PLCXD3: variants seen among roughly 807,000 people sequenced by gnomAD.
PLCXD3 encodes phosphatidylinositol specific phospholipase C X domain containing 3.
In PLCXD3, 19 loss-of-function variants were observed where a neutral mutation model predicts 25.5. The ratio of observed to expected loss-of-function variants is 0.75; its 90% confidence interval spans 0.52 to 1.09. The LOEUF is 1.09. Ranked by LOEUF, PLCXD3 falls within the 50% of genes least tolerant of loss-of-function variation. PLCXD3 has a pLI of 0.00. For missense variants in PLCXD3, 411 were observed against 388.1 expected (o/e 1.06, Z -0.50); for synonymous variants, 174 against 137.6 (o/e 1.26, Z -1.85).
chr5:41,331,794 C>G (rs930972404), intron 2 of PLCXD3, among the ~76,000 whole-genome samples: 5 of 152,230 alleles, frequency 3.3e-5, no homozygotes, highest in Admixed American at 1.3e-4. Context: ...TGCCACATAT[C>G]TACAACTATC....
At chr5:41,314,714 T>TA (rs911997841) in intron 2 of PLCXD3, among the ~76,000 whole-genome samples, 7 of 151,576 alleles carry the variant, frequency 4.6e-5, no homozygotes, top group East Asian at 1.9e-4. Context: ...AAGAGAGTAG[T>TA]AAAAAAAATG....
At chr5:41,352,863 T>A (rs916500199) in intron 2 of PLCXD3, among the ~76,000 whole-genome samples, 2 of 152,170 alleles carry the variant, frequency 1.3e-5, no homozygotes, top group African/African-American at 4.8e-5. Flanking sequence ...GCCCATTGTG[T>A]CATCACTGAT....
chr5:41,476,533 C>T (rs1748287959), intron 1 of PLCXD3, among the ~76,000 whole-genome samples: 1 of 152,178 alleles, frequency 6.6e-6, no homozygotes, highest in Non-Finnish European at 1.5e-5. Context: ...ACATCTTATA[C>T]ATGTTGTCTC....
intron 2 of PLCXD3, among the ~76,000 whole-genome samples, chr5:41,314,685 G>A (rs1181266532): frequency 1.3e-5 from 2 of 152,146 alleles, no homozygotes; most frequent in East Asian, 3.9e-4. Flanking sequence ...GGGGTAGCAT[G>A]CTTAAGCTTA....
At position 41,382,144 on chromosome 5, in the gene PLCXD3, A is replaced by G. The variant is rs1432170600; in HGVS notation, c.494T>C (p.Ile165Thr). Residue 165 changes from isoleucine (I) to threonine (T), a missense_variant, in exon 2 of 3, where the codon ATC becomes ACC. Transcript: ENST00000377801. Reference protein sequence around the residue: ...HEKLVQMLKDIYGNKMCPAIF... With the variant: ...HEKLVQMLKDTYGNKMCPAIF... ...CGCTGGGCACATTTTATTTCCATAG[A>G]TGTCTTTCAGCATTTGGACCAGTTT... 1.2e-6 allele frequency: 2 copies of G among 1,613,528 alleles called. No homozygotes were observed. Among genetic ancestry groups the G allele is most frequent in the Non-Finnish European group, 1.7e-6 (2 of 1,179,766 alleles).
In PLCXD3 at chr5:41,310,841, G is replaced by A. The variant is rs987891700; in HGVS notation, c.*2776C>T. 1 of 152,604 alleles carries A rather than the reference G, an allele frequency of 6.6e-6. No individual in the cohort carries two copies. Among genetic ancestry groups the A allele is most frequent in the Admixed American group, 6.5e-5 (1 of 15,274 alleles). 9.5% of individuals were successfully genotyped at this position (152,604 alleles called of 1,614,324 possible). ...ACTGTATGTCCACATGGAAACCATA[G>A]CATTGGCTTGAAACTGCCTTTTGTC... is the stretch of plus-strand genomic sequence containing the variant. On this transcript the variant is annotated 3_prime_UTR_variant, in exon 3 of 3. Coordinates refer to ENST00000377801, the MANE Select transcript of PLCXD3 (RefSeq NM_001005473.3).
intron 1 of PLCXD3, among the ~76,000 whole-genome samples, chr5:41,464,269 CTACT>C (rs1747959002): frequency 6.6e-6 from 1 of 151,986 alleles, no homozygotes; most frequent in Non-Finnish European, 1.5e-5. Flanking sequence ...TCTCAATTAC[CTACT>C]TAGTTAAGCT....
intron 2 of PLCXD3, among the ~76,000 whole-genome samples, chr5:41,359,218 T>C (rs1471805145): frequency 1.3e-5 from 2 of 152,162 alleles, no homozygotes; most frequent in African/African-American, 4.8e-5. Flanking sequence ...TATTAGGGTG[T>C]TACTGGTTTC....
chr5:41,330,323 C>G (rs543809045), intron 2 of PLCXD3, among the ~76,000 whole-genome samples: 4 of 152,076 alleles, frequency 2.6e-5, no homozygotes, highest in Admixed American at 6.6e-5. Context: ...AACACCTCTA[C>G]GCAAATAAAC....
chr5:41,330,907 A>C, intron 2 of PLCXD3, among the ~76,000 whole-genome samples: 1 of 152,120 alleles, frequency 6.6e-6, no homozygotes, highest in East Asian at 1.9e-4. Context: ...CCTTCATGCT[A>C]AAAACTCTCA....
intron 2 of PLCXD3, among the ~76,000 whole-genome samples, chr5:41,365,447 G>T (rs898318986): frequency 6.6e-6 from 1 of 152,134 alleles, no homozygotes; most frequent in Non-Finnish European, 1.5e-5. Context: ...ACAGTTGCAA[G>T]CAATGTCTCA....
chr5:41,485,204 G>A (rs1207665105), intron 1 of PLCXD3, among the ~76,000 whole-genome samples: 1 of 152,074 alleles, frequency 6.6e-6, no homozygotes, highest in Non-Finnish European at 1.5e-5. Context: ...CATTCAAAGA[G>A]GCCAAGTAAC....
At chr5:41,372,910 G>T (rs1227069166) in intron 2 of PLCXD3, among the ~76,000 whole-genome samples, 2 of 152,072 alleles carry the variant, frequency 1.3e-5, no homozygotes, top group Non-Finnish European at 2.9e-5. Context: ...CAGGCATGGT[G>T]GCATACACCT....
At chr5:41,431,754 A>G (rs1747112741) in intron 1 of PLCXD3, among the ~76,000 whole-genome samples, 1 of 152,206 alleles carries the variant, frequency 6.6e-6, no homozygotes, top group Non-Finnish European at 1.5e-5. Context: ...TTGCTGAGCC[A>G]TTACTCATAA....
At chr5:41,489,538 A>G (rs377054636) in intron 1 of PLCXD3, among the ~76,000 whole-genome samples, 4 of 152,206 alleles carry the variant, frequency 2.6e-5, no homozygotes, top group Admixed American at 6.5e-5. Context: ...CAATTTTCAC[A>G]ATATTGATTC....
At chr5:41,418,278 T>G (rs1026765312) in intron 1 of PLCXD3, among the ~76,000 whole-genome samples, 4 of 152,212 alleles carry the variant, frequency 2.6e-5, no homozygotes, top group Non-Finnish European at 4.4e-5. Context: ...CAAAATTCTC[T>G]TTTGTTTTTA....
intron 1 of PLCXD3, among the ~76,000 whole-genome samples, chr5:41,445,969 C>G (rs917452514): frequency 6.6e-5 from 10 of 151,754 alleles, no homozygotes; most frequent in Non-Finnish European, 1.2e-4. Context: ...GGACGAATCA[C>G]GAGGTCAGGG....
intron 1 of PLCXD3, among the ~76,000 whole-genome samples, chr5:41,458,730 G>A (rs1747808904): frequency 6.6e-6 from 1 of 151,834 alleles, no homozygotes; most frequent in South Asian, 2.1e-4. Flanking sequence ...GAAATGAGCT[G>A]AAATGAAAAA....
At chr5:41,413,983 G>A (rs140076582) in intron 1 of PLCXD3, among the ~76,000 whole-genome samples, 2 of 152,260 alleles carry the variant, frequency 1.3e-5, no homozygotes, top group East Asian at 3.9e-4. Flanking sequence ...AAGCCTTGGA[G>A]GTTCTGATGA....
Sources: gnomAD v4.1 joint callset for allele counts (sites outside exome capture counted in the v4.1 genomes callset) on GRCh38, gnomAD v4.1.1 for gene constraint, MANE v1.5 for transcripts, NCBI Gene and HGNC (gene_info 2026-07-23, HGNC 2026-07-21) for gene names.